The following TBC1D17 variants were observed in gnomAD, a reference collection of about 807,000 sequenced individuals.
TBC1D17 encodes the protein TBC1 domain family member 17.
In TBC1D17, 69 loss-of-function variants were observed where a neutral mutation model predicts 78.8. That is an observed-to-expected ratio of 0.88 (90% CI 0.72 to 1.07). The LOEUF is 1.07. Among genes scored for constraint, TBC1D17 ranks in the 50% least tolerant of loss-of-function variants. The pLI is 0.00. For synonymous variants in TBC1D17, 456 were observed against 358.3 expected (o/e 1.27, Z -3.08); for missense variants, 957 against 861.0 (o/e 1.11, Z -1.39).
Position 49,888,518 on chromosome 19 carries a change from C to G in TBC1D17, c.1841C>G (p.Pro614Arg), listed in dbSNP as rs754632723. 6.5e-7 allele frequency: 1 copy of G among 1,544,854 alleles called. No individual in the cohort carries two copies. Among genetic ancestry groups the G allele is most frequent in the African/African-American group, 1.4e-5 (1 of 73,582 alleles). The part of the protein sequence containing the change: ...SPTASPLPLS[P>R]TRAPPTPPPS... ...ACCGCCTCCCCGCTGCCTCTGTCGC[C>G]CACCCGGGCCCCGCCCACCCCGCCG... The change falls in exon 17 of 17, where the codon CCC becomes CGC. Residue 614 changes from proline to arginine, a missense_variant. Transcript: ENST00000221543.
chr19:49,882,122 C>G lies in TBC1D17; in HGVS notation c.609C>G (p.Leu203=). The part of the protein sequence containing the change: ...ALSNSFHHLQ[L]FDQDSSNVVS... ...CCAACTCCTTCCACCACCTGCAGCT[C>G]TTTGACCAGGACAGCTCCAATGTGG... The change falls in exon 6 of 17, where the codon CTC becomes CTG. Residue 203 remains leucine, a synonymous_variant. Transcript: ENST00000221543. 6.2e-7 allele frequency: 1 copy of G among 1,614,156 alleles called. No homozygotes were observed. Among genetic ancestry groups the G allele is most frequent in the South Asian group, 1.1e-5 (1 of 91,088 alleles).
Position 49,887,493 on chromosome 19 carries a change from T to G in TBC1D17, c.1462T>G (p.Ser488Ala). The change falls in exon 14 of 17, where the codon TCT becomes GCT. Residue 488 changes from serine to alanine, a missense_variant. By Grantham distance (99) the Ser-to-Ala change is moderately conservative (BLOSUM62 1). Coordinates refer to ENST00000221543, the MANE Select transcript of TBC1D17 (RefSeq NM_024682.3). ...CDFLDSQDSG[S>A]LCFCFRWLLI... ...TCCCCCAGATTCCCAGGACTCCGGC[T>G]CTCTCTGCTTCTGTTTCCGGTGGCT... is the stretch of plus-strand genomic sequence containing the variant. 1.2e-6 allele frequency: 2 copies of G among 1,614,096 alleles called. No homozygotes were observed. Among genetic ancestry groups the G allele is most frequent in the Non-Finnish European group, 1.7e-6 (2 of 1,179,994 alleles).
intron 7 of TBC1D17, 140 bp downstream of exon 7, chr19:49,882,540 G>A (rs1159174483): frequency 1.9e-5 from 26 of 1,372,588 alleles, no homozygotes; most frequent in Middle Eastern, 3.8e-4. Flanking sequence ...TGAGGAAAGC[G>A]CTCATGGCTC....
rs540039394 is a variant in TBC1D17 at position 49,886,889 on chromosome 19, G to A, written c.1445-587G>A. ...CGGCTCACTACAACCTCCACCTCCCGGGTTCAAGCGATTCTCCTGCCTCAG... is the reference window on the plus strand; with the variant it reads ...CGGCTCACTACAACCTCCACCTCCCAGGTTCAAGCGATTCTCCTGCCTCAG... On this transcript the variant is annotated intron_variant, in intron 13 of 16. Transcript: ENST00000221543. 63 of 154,402 alleles carry A rather than the reference G, an allele frequency of 4.1e-4. 1 individual carries two copies. The highest frequency in any genetic ancestry group is 1.1e-3 in the Admixed American group (17 of 15,780). 9.6% of individuals were successfully genotyped at this position (154,402 alleles called of 1,614,324 possible).
chr19:49,878,955 C>T, intron 3 of TBC1D17: 1 of 231,238 alleles, frequency 4.3e-6, no homozygotes, highest in Non-Finnish European at 8.7e-6. Context: ...CCGGCTTTCC[C>T]TTCGTTATGT....
intron 7 of TBC1D17, 56 bp downstream of exon 7, chr19:49,882,456 G>T (rs2075023736): frequency 1.3e-6 from 2 of 1,564,730 alleles, no homozygotes; most frequent in African/African-American, 2.7e-5. Context: ...CTGGGCGCAT[G>T]ATTTCATTTC....
At chr19:49,878,389 C>A in intron 2 of TBC1D17, 109 bp from the exon 3 acceptor site, 1 of 1,299,164 alleles carries the variant, frequency 7.7e-7, no homozygotes, top group Non-Finnish European at 1.1e-6. Flanking sequence ...AGGGGCGGGA[C>A]TTTGAAAGGC....
At chr19:49,881,245 C>G in intron 4 of TBC1D17, 23 bp from the exon 5 acceptor site, 6 of 1,605,410 alleles carry the variant, frequency 3.7e-6, no homozygotes, top group Non-Finnish European at 5.1e-6. Flanking sequence ...CGCGCTTCCC[C>G]CAACACAGTG....
In TBC1D17 at chr19:49,877,941, C is replaced by A; in HGVS notation, c.21+197C>A. On this transcript the variant is annotated intron_variant, in intron 1 of 16. Coordinates refer to ENST00000221543, the MANE Select transcript of TBC1D17 (RefSeq NM_024682.3). ...CATGGCCCCGCCCCCCCGGCTCAGG[C>A]GACTCCTTGAGCCCTGCCCCCTGTG... The A allele has an allele frequency of 5.5e-6, 4 of 730,236 alleles. No individual in the cohort carries two copies. In the South Asian group the frequency reaches 7.6e-5, roughly 14 times the overall value. The allele number at this position is 730,236 out of a possible 1,614,324, so 45.2% of individuals were successfully genotyped here.
chr19:49,881,869 C>T (rs2075017148), intron 5 of TBC1D17, among the ~76,000 whole-genome samples, 172 bp from the exon 6 acceptor site: 1 of 152,096 alleles, frequency 6.6e-6, no homozygotes, highest in African/African-American at 2.4e-5. Flanking sequence ...GAGTCATGTG[C>T]CCACCCCTGG....
chr19:49,882,266 A>C lies in TBC1D17; in HGVS notation c.664A>C (p.Thr222Pro). 1.2e-6 allele frequency: 2 copies of C among 1,612,098 alleles called. No homozygotes were observed. Among genetic ancestry groups the C allele is most frequent in the Non-Finnish European group, 1.7e-6 (2 of 1,179,956 alleles). The change falls in exon 7 of 17, where the codon ACC becomes CCC. Residue 222 changes from threonine to proline, a missense_variant. By Grantham distance (38) the Thr-to-Pro change is conservative. Coordinates refer to ENST00000221543, the MANE Select transcript of TBC1D17 (RefSeq NM_024682.3). Reference sequence around the variant, plus strand: ...GCGCTTCCTCCAGGATCCCTACTCCACCACCTTCAGCAGCTTCTCCCGAGT... The same window carrying C: ...GCGCTTCCTCCAGGATCCCTACTCCCCCACCTTCAGCAGCTTCTCCCGAGT... ...VSRFLQDPYS[T>P]TFSSFSRVTN...
At chr19:49,883,837 C>A in intron 10 of TBC1D17, 92 bp downstream of exon 10, 1 of 1,097,934 alleles carries the variant, frequency 9.1e-7, no homozygotes, top group East Asian at 2.4e-5. Context: ...AGAGGGAGCC[C>A]CCTGCCTCCC....
At chr19:49,886,377 G>A (rs180938095) in intron 13 of TBC1D17, among the ~76,000 whole-genome samples, 3 of 152,122 alleles carry the variant, frequency 2.0e-5, no homozygotes, top group Non-Finnish European at 4.4e-5. Context: ...TAGGACCCCC[G>A]GGGGAGGGAG....
chr19:49,883,477 G>A (rs1427429817), intron 9 of TBC1D17, among the ~76,000 whole-genome samples, 174 bp from the exon 10 acceptor site: 1 of 152,168 alleles, frequency 6.6e-6, no homozygotes, highest in Non-Finnish European at 1.5e-5. Context: ...AGTGAGAGAT[G>A]CCAGGAAGGT....
intron 15 of TBC1D17, 148 bp from the exon 16 acceptor site, chr19:49,888,083 T>C: frequency 3.0e-6 from 4 of 1,318,464 alleles, no homozygotes; most frequent in Non-Finnish European, 4.2e-6. Context: ...CCCGGAGGCC[T>C]GAGAAGCATG....
At position 49,877,720 on chromosome 19, in the gene TBC1D17, G is replaced by A. The variant is rs751578663; in HGVS notation, c.-4G>A. On this transcript the variant is annotated 5_prime_UTR_variant, in exon 1 of 17. Coordinates refer to ENST00000221543, the MANE Select transcript of TBC1D17 (RefSeq NM_024682.3). ...GCGGGGCAGTGGGGCCTTCGGCGGC[G>A]ACTATGGAAGGAGCCGGCTACAGGG... is the stretch of plus-strand genomic sequence containing the variant. 1.9e-6 allele frequency: 3 copies of A among 1,600,260 alleles called. No individual in the cohort carries two copies. Among genetic ancestry groups the A allele is most frequent in the African/African-American group, 1.3e-5 (1 of 74,838 alleles).
Position 49,887,701 on chromosome 19 carries a change from C to G in TBC1D17, c.1543-17C>G, listed in dbSNP as rs749494850. ...TGGGCTATGACCTCCCTCCCTCCCT[C>G]TGTCCCGCACCCTCAGGTGCTGTGG... On this transcript the variant is annotated splice_polypyrimidine_tract_variant and intron_variant, in intron 14 of 16. Coordinates refer to ENST00000221543, the MANE Select transcript of TBC1D17 (RefSeq NM_024682.3). 3.1e-6 allele frequency: 5 copies of G among 1,612,884 alleles called. No individual in the cohort carries two copies. Among genetic ancestry groups the G allele is most frequent in the Non-Finnish European group, 4.2e-6 (5 of 1,179,162 alleles).
intron 11 of TBC1D17, 35 bp from the exon 12 acceptor site, chr19:49,884,424 G>T: frequency 6.2e-7 from 1 of 1,613,558 alleles, no homozygotes; most frequent in Non-Finnish European, 8.5e-7. Context: ...GGAGCGCTGC[G>T]GGCTTGGCTG....
At position 49,887,735 on chromosome 19, in the gene TBC1D17, C is replaced by T. The variant is rs761440360; in HGVS notation, c.1560C>T (p.Leu520=). The T allele has an allele frequency of 1.2e-6, 2 of 1,613,866 alleles. No homozygotes were observed. The highest frequency in any genetic ancestry group is 8.5e-7 in the Non-Finnish European group (1 of 1,179,964). Residue 520 remains leucine (L), a synonymous_variant, in exon 15 of 17, where the codon CTC becomes CTT. Coordinates refer to ENST00000221543, the MANE Select transcript of TBC1D17 (RefSeq NM_024682.3). ...ACCCTCAGGTGCTGTGGACAGGGCT[C>T]CCTGGCCCCAATCTGCACCTGCTGG... The part of the protein sequence containing the change: ...LRLWEVLWTG[L]PGPNLHLLVA...
Sources: gnomAD v4.1 joint callset for allele counts (sites outside exome capture counted in the v4.1 genomes callset) on GRCh38, gnomAD v4.1.1 for gene constraint, MANE v1.5 for transcripts, NCBI Gene and HGNC (gene_info 2026-07-23, HGNC 2026-07-21) for gene names.